The following COL23A1 variants were observed in gnomAD, a reference collection of about 807,000 sequenced individuals.
COL23A1 encodes the protein collagen type XXIII alpha 1 chain, also known as collagen alpha-1(XXIII) chain.
Under a neutral mutation model 99.3 loss-of-function variants are expected in COL23A1, and 97 were observed. The observed-to-expected ratio is 0.98, with a 90% CI of 0.83 to 1.16. COL23A1 has a LOEUF of 1.16. Ranked by LOEUF, COL23A1 falls within the 50% of genes most tolerant of loss-of-function variation. The pLI is 0.00. For missense variants in COL23A1, 762 were observed against 757.4 expected (o/e 1.01, Z -0.07); for synonymous variants, 320 against 308.2 (o/e 1.04, Z -0.40).
At chr5:178,242,183 CCAA>C in intron 26 of COL23A1, 55 bp from the exon 27 acceptor site, 1 of 1,504,502 alleles carries the variant, frequency 6.6e-7, no homozygotes, top group Non-Finnish European at 9.0e-7. Flanking sequence ...TTAGGAACCT[CCAA>C]CATCTCTCCG....
At chr5:178,266,006 G>A (rs1755874142) in intron 8 of COL23A1, among the ~76,000 whole-genome samples, 1 of 152,176 alleles carries the variant, frequency 6.6e-6, no homozygotes, top group South Asian at 2.1e-4. Context: ...CAGGGGCCAT[G>A]AGAGATAATG....
intron 2 of COL23A1, among the ~76,000 whole-genome samples, chr5:178,558,992 G>A (rs999470877): frequency 1.7e-4 from 26 of 152,072 alleles, no homozygotes; most frequent in African/African-American, 6.3e-4. Flanking sequence ...GTTTCACCAC[G>A]TTGGCCAGAC....
chr5:178,477,702 G>C (rs1465451701), intron 2 of COL23A1, among the ~76,000 whole-genome samples: 1 of 152,188 alleles, frequency 6.6e-6, no homozygotes, highest in Non-Finnish European at 1.5e-5. Context: ...ATGTATGTGT[G>C]CAACTGTCAA....
At chr5:178,527,785 A>C (rs1442647201) in intron 2 of COL23A1, among the ~76,000 whole-genome samples, 2 of 152,214 alleles carry the variant, frequency 1.3e-5, no homozygotes, top group Non-Finnish European at 2.9e-5. Flanking sequence ...TGCAGCCTGG[A>C]TACTGGAAAC....
intron 2 of COL23A1, among the ~76,000 whole-genome samples, chr5:178,380,458 TTTTC>T (rs1763319978): frequency 1.3e-5 from 2 of 152,190 alleles, no homozygotes; most frequent in Admixed American, 1.3e-4. Context: ...TTCTCTCATA[TTTTC>T]TTTCTTTTTC....
chr5:178,512,078 G>A lies in COL23A1; in HGVS notation c.361+48604C>T, dbSNP rs6884832. On this transcript the variant is annotated intron_variant, in intron 2 of 28. Transcript: ENST00000390654. ...TTTCCTTTCTGGGCATATGTTATACGGAAATGGGATATATGAACAAATGTG... is the reference window on the plus strand; with the variant it reads ...TTTCCTTTCTGGGCATATGTTATACAGAAATGGGATATATGAACAAATGTG... Among the ~76,000 whole-genome samples, 799 of 152,256 alleles carry A rather than the reference G, an allele frequency of 5.2e-3. 1 individual carries two copies. The highest frequency in any genetic ancestry group is 0.015 in the African/African-American group (642 of 41,522).
At position 178,262,199 on chromosome 5, in the gene COL23A1, A is replaced by G; in HGVS notation, c.675+18T>C. On this transcript the variant is annotated intron_variant, in intron 10 of 28. Transcript: ENST00000390654. ...TGATCCTAGCAGCCCAGGCCTCTGG[A>G]ATGCCCTGGATACTGACCATCTCGC... The G allele has an allele frequency of 4.4e-6, 7 of 1,576,796 alleles. No homozygotes were observed. The highest frequency in any genetic ancestry group is 6.0e-6 in the Non-Finnish European group (7 of 1,160,422).
chr5:178,394,292 C>T (rs899996755), intron 2 of COL23A1, among the ~76,000 whole-genome samples: 4 of 152,198 alleles, frequency 2.6e-5, no homozygotes, highest in African/African-American at 9.7e-5. Context: ...GAGGCTGGCA[C>T]AGAACAGTGC....
At chr5:178,239,510 C>A (rs1244505423) in intron 27 of COL23A1, among the ~76,000 whole-genome samples, 3 of 151,248 alleles carry the variant, frequency 2.0e-5, no homozygotes, top group Non-Finnish European at 4.4e-5. Flanking sequence ...TGGGTCCTGC[C>A]GAGAGCCGTG....
At chr5:178,323,980 C>T (rs537478878) in intron 2 of COL23A1, among the ~76,000 whole-genome samples, 66 of 152,282 alleles carry the variant, frequency 4.3e-4, no homozygotes, top group Admixed American at 1.2e-3. Flanking sequence ...AAAGCACTTG[C>T]CTTTTCTTTT....
intron 3 of COL23A1, among the ~76,000 whole-genome samples, chr5:178,296,807 A>C (rs1757771382): frequency 6.6e-6 from 1 of 152,038 alleles, no homozygotes; most frequent in Non-Finnish European, 1.5e-5. Context: ...GCTCATCTAC[A>C]AGACTTTAAA....
chr5:178,499,009 G>A (rs1387275745), intron 2 of COL23A1, among the ~76,000 whole-genome samples: 4 of 152,130 alleles, frequency 2.6e-5, no homozygotes, highest in Non-Finnish European at 5.9e-5. Flanking sequence ...AGAATTGTTT[G>A]AACCTGGGAG....
At chr5:178,527,185 C>T (rs1461636522) in intron 2 of COL23A1, among the ~76,000 whole-genome samples, 6 of 152,058 alleles carry the variant, frequency 3.9e-5, no homozygotes, top group South Asian at 2.1e-4. Flanking sequence ...GGGGGGCCCT[C>T]GGTGAGGAGA....
intron 2 of COL23A1, among the ~76,000 whole-genome samples, chr5:178,426,794 A>AAAAATGG (rs1443867096): frequency 4.6e-5 from 7 of 152,380 alleles, no homozygotes; most frequent in Non-Finnish European, 8.8e-5. Context: ...CAGCCCCGTT[A>AAAAATGG]AAAATGGGCC....
chr5:178,425,915 C>T (rs1017610655), intron 2 of COL23A1, among the ~76,000 whole-genome samples: 2 of 152,230 alleles, frequency 1.3e-5, no homozygotes, highest in African/African-American at 2.4e-5. Context: ...GGCTGGGGGC[C>T]AGCCGCTCCC....
chr5:178,349,566 C>T (rs1761196104), intron 2 of COL23A1, among the ~76,000 whole-genome samples: 1 of 137,678 alleles, frequency 7.3e-6, no homozygotes, highest in Non-Finnish European at 1.5e-5. Context: ...GCCTGGCCTC[C>T]CGTGCCTCCC....
At chr5:178,522,168 C>CT (rs1430254128) in intron 2 of COL23A1, among the ~76,000 whole-genome samples, 7 of 152,150 alleles carry the variant, frequency 4.6e-5, no homozygotes, top group Non-Finnish European at 1.0e-4. Context: ...ATGAAGGTGT[C>CT]TTTTGCCCCT....
intron 2 of COL23A1, among the ~76,000 whole-genome samples, chr5:178,318,835 G>A (rs2127622692): frequency 6.6e-6 from 1 of 151,704 alleles, no homozygotes; most frequent in South Asian, 2.1e-4. Flanking sequence ...CTGGGAGGCA[G>A]AGGTTGCAGC....
intron 17 of COL23A1, among the ~76,000 whole-genome samples, chr5:178,251,925 T>TTTTTTTTAGA (rs1554125608): frequency 7.0e-6 from 1 of 142,794 alleles, no homozygotes; most frequent in Non-Finnish European, 1.5e-5. Flanking sequence ...TTTTTTTTTT[T>TTTTTTTTAGA]ATTTTGAGAC....
Sources: allele counts gnomAD v4.1 joint callset (sites outside exome capture counted in the v4.1 genomes callset), GRCh38; gene constraint gnomAD v4.1.1; transcripts MANE v1.5; gene names NCBI Gene and HGNC (gene_info 2026-07-23, HGNC 2026-07-21).